ROBO2: variants seen among roughly 807,000 people sequenced by gnomAD.
ROBO2 encodes the protein roundabout guidance receptor 2, also known as roundabout homolog 2.
ROBO2 carries 53 observed loss-of-function variants against 160.8 expected under a neutral mutation model. That is an observed-to-expected ratio of 0.33 (90% CI 0.26 to 0.41). ROBO2 has a LOEUF of 0.41. Among genes scored for constraint, ROBO2 ranks in the 10% least tolerant of loss-of-function variants. The pLI is 1.00. For synonymous variants in ROBO2, 664 were observed against 611.7 expected (o/e 1.09, Z -1.26); for missense variants, 1,577 against 1,722.4 (o/e 0.92, Z 1.49).
At chr3:76,425,763 A>G (rs896582601) in intron 2 of ROBO2, among the ~76,000 whole-genome samples, 2 of 151,820 alleles carry the variant, frequency 1.3e-5, no homozygotes, top group South Asian at 2.1e-4. Context: ...CCGAGAAATG[A>G]GTTGATCAGA....
chr3:76,156,631 C>T lies in ROBO2; in HGVS notation c.109+219029C>T, dbSNP rs2072419528. 3.3e-5 allele frequency among the ~76,000 whole-genome samples: 5 copies of T among 152,154 alleles called. No homozygotes were observed. The South Asian group carries it at 1.0e-3, about 32-fold the overall frequency. On this transcript the variant is annotated intron_variant, in intron 2 of 26. Transcript: ENST00000487694. ...TGTCAGACCTTGAGCTCAATAACAG[C>T]CTTAACAAGTGATACCCCACAATTA...
chr3:76,771,097 A>C (rs1377740244), intron 2 of ROBO2, among the ~76,000 whole-genome samples: 1 of 151,330 alleles, frequency 6.6e-6, no homozygotes, highest in Non-Finnish European at 1.5e-5. Context: ...GGTTTGTGAC[A>C]GTTGCTACCC....
intron 2 of ROBO2, among the ~76,000 whole-genome samples, chr3:77,134,299 C>T (rs757510342): frequency 1.3e-5 from 2 of 152,088 alleles, no homozygotes; most frequent in Non-Finnish European, 2.9e-5. Flanking sequence ...TTTTAAAAAC[C>T]GAAAGAATTA....
At chr3:77,153,137 C>T (rs2077683687) in intron 2 of ROBO2, among the ~76,000 whole-genome samples, 1 of 152,076 alleles carries the variant, frequency 6.6e-6, no homozygotes. Flanking sequence ...GCTTCTTCTT[C>T]CAGTTTTTGG....
intron 2 of ROBO2, among the ~76,000 whole-genome samples, chr3:76,924,967 G>C (rs898154388): frequency 6.6e-6 from 1 of 152,086 alleles, no homozygotes; most frequent in South Asian, 2.1e-4. Context: ...CCAGCACTTT[G>C]GGAGGCCGAG....
intron 2 of ROBO2, among the ~76,000 whole-genome samples, chr3:77,271,296 A>G (rs1273783591): frequency 2.0e-5 from 3 of 152,180 alleles, no homozygotes; most frequent in African/African-American, 7.2e-5. Flanking sequence ...ACAGTTTATA[A>G]AATTCCTATA....
At chr3:76,459,944 G>T (rs1042561374) in intron 2 of ROBO2, among the ~76,000 whole-genome samples, 1 of 152,034 alleles carries the variant, frequency 6.6e-6, no homozygotes, top group Admixed American at 6.6e-5. Flanking sequence ...CCAAGAGAGC[G>T]TGTCAAGCCA....
chr3:77,606,692 G>A (rs1459898690), intron 20 of ROBO2, among the ~76,000 whole-genome samples: 1 of 152,204 alleles, frequency 6.6e-6, no homozygotes, highest in African/African-American at 2.4e-5. Context: ...TGATGCAGAT[G>A]AGTAATTGGT....
chr3:76,252,792 C>G (rs919115423), intron 2 of ROBO2, among the ~76,000 whole-genome samples: 15 of 144,766 alleles, frequency 1.0e-4, no homozygotes, highest in African/African-American at 3.2e-4. Context: ...CACACACACA[C>G]AGAGTTTTTT....
At chr3:77,213,866 G>A (rs919841227) in intron 2 of ROBO2, among the ~76,000 whole-genome samples, 5 of 151,982 alleles carry the variant, frequency 3.3e-5, no homozygotes, top group Admixed American at 6.6e-5. Flanking sequence ...CAGGTTGTTT[G>A]GTTTCCATGT....
At chr3:76,496,686 C>T (rs960899651) in intron 2 of ROBO2, among the ~76,000 whole-genome samples, 3 of 152,108 alleles carry the variant, frequency 2.0e-5, no homozygotes, top group Admixed American at 1.3e-4. Flanking sequence ...AATGGCAATA[C>T]CACTCATCCA....
At chr3:77,218,370 A>T (rs2085258544) in intron 2 of ROBO2, among the ~76,000 whole-genome samples, 1 of 150,282 alleles carries the variant, frequency 6.7e-6, no homozygotes, top group South Asian at 2.1e-4. Flanking sequence ...CTCAGCTGAA[A>T]TTATACTTTT....
At chr3:76,008,260 GA>G (rs1385217208) in intron 2 of ROBO2, among the ~76,000 whole-genome samples, 4 of 135,674 alleles carry the variant, frequency 2.9e-5, no homozygotes, top group African/African-American at 8.2e-5. Flanking sequence ...AAAAAGAAAA[GA>G]AAAAAAAATC....
At chr3:76,451,161 T>C (rs891132339) in intron 2 of ROBO2, among the ~76,000 whole-genome samples, 3 of 152,134 alleles carry the variant, frequency 2.0e-5, no homozygotes, top group African/African-American at 7.2e-5. Context: ...ATACAACTGA[T>C]CAGGTCTGTC....
intron 2 of ROBO2, among the ~76,000 whole-genome samples, chr3:76,514,540 T>C (rs111686300): frequency 2.3e-4 from 35 of 152,326 alleles, no homozygotes; most frequent in African/African-American, 8.2e-4. Context: ...ATAATGAAGA[T>C]ATCAGATAAA....
chr3:77,216,723 C>A (rs2085014490), intron 2 of ROBO2, among the ~76,000 whole-genome samples: 1 of 152,148 alleles, frequency 6.6e-6, no homozygotes, highest in South Asian at 2.1e-4. Context: ...GGCTCCACCC[C>A]ACAAATAATT....
At chr3:76,978,946 A>T (rs9868110) in intron 2 of ROBO2, among the ~76,000 whole-genome samples, 32,143 of 143,198 alleles carry the variant, frequency 0.22, 3,689 homozygotes, top group African/African-American at 0.35. Flanking sequence ...TTGTTTTTTA[A>T]AAAAAAAAAA....
intron 2 of ROBO2, among the ~76,000 whole-genome samples, chr3:77,280,197 G>C (rs543525024): frequency 1.3e-5 from 2 of 151,964 alleles, no homozygotes; most frequent in African/African-American, 4.8e-5. Flanking sequence ...ATGCATGATC[G>C]CTAACCCATC....
intron 2 of ROBO2, among the ~76,000 whole-genome samples, chr3:76,594,163 G>A (rs2086597762): frequency 6.6e-6 from 1 of 151,896 alleles, no homozygotes; most frequent in Non-Finnish European, 1.5e-5. Context: ...TGGTTTCTGG[G>A]AAGAATAAGC....
Sources: allele counts gnomAD v4.1 joint callset (sites outside exome capture counted in the v4.1 genomes callset), GRCh38; gene constraint gnomAD v4.1.1; transcripts MANE v1.5; gene names NCBI Gene and HGNC (gene_info 2026-07-23, HGNC 2026-07-21).